Variants in CCSER2 observed in about 807,000 individuals in gnomAD.
CCSER2 encodes serine-rich coiled-coil domain-containing protein 2.
In CCSER2, 46 loss-of-function variants were observed where a neutral mutation model predicts 92.3. The observed-to-expected ratio is 0.50, with a 90% CI of 0.39 to 0.64. CCSER2 has a LOEUF of 0.64. CCSER2 is among the 30% of genes least tolerant of loss of function. The pLI is 0.00. For synonymous variants in CCSER2, 433 were observed against 431.4 expected (o/e 1.00, Z -0.04); for missense variants, 1,244 against 1,238.9 (o/e 1.00, Z -0.06).
At chr10:84,457,341 A>ATTTATATATAATATATTATATAT (rs1329520516) in intron 6 of CCSER2, among the ~76,000 whole-genome samples, 1 of 60,764 alleles carries the variant, frequency 1.6e-5, no homozygotes. Context: ...TATATTATAT[A>ATTTATATATAATATATTATATAT]TTATATATAA....
chr10:84,438,665 T>C lies in CCSER2; in HGVS notation c.2022T>C (p.Ala674=). The C allele has an allele frequency of 6.2e-7, 1 of 1,612,036 alleles. No homozygotes were observed. Among genetic ancestry groups the C allele is most frequent in the Non-Finnish European group, 8.5e-7 (1 of 1,179,112 alleles). The change falls in exon 6 of 10, where the codon GCT becomes GCC. Residue 674 remains alanine (A), a synonymous_variant. Transcript: ENST00000372088. ...TLRHMVQDCT[A]VKTQLLKLKR... ...GGCACATGGTTCAGGATTGCACTGC[T>C]GTAAAAACTCAGTTACTCAAACTGA...
chr10:84,494,255 G>T (rs920008783), intron 9 of CCSER2, among the ~76,000 whole-genome samples: 11 of 152,192 alleles, frequency 7.2e-5, no homozygotes, highest in Non-Finnish European at 2.9e-5. Flanking sequence ...TTTGTGAACT[G>T]TCAGGTGCTG....
At chr10:84,499,945 C>T (rs148434789) in intron 9 of CCSER2, 110 of 1,613,776 alleles carry the variant, frequency 6.8e-5, no homozygotes, top group Non-Finnish European at 8.8e-5. Flanking sequence ...ACTGTTCCAC[C>T]GCACCGCAGA....
chr10:84,498,194 T>C (rs1848549045), intron 9 of CCSER2, among the ~76,000 whole-genome samples: 1 of 152,230 alleles, frequency 6.6e-6, no homozygotes, highest in South Asian at 2.1e-4. Context: ...GAAGCTTGGT[T>C]CTGCAAAACG....
chr10:84,455,002 A>T (rs998471049), intron 6 of CCSER2, among the ~76,000 whole-genome samples: 1 of 152,170 alleles, frequency 6.6e-6, no homozygotes, highest in African/African-American at 2.4e-5. Flanking sequence ...AATAAGTCTC[A>T]TGAGATCTGA....
intron 6 of CCSER2, among the ~76,000 whole-genome samples, chr10:84,453,790 ATCT>A (rs1396356611): frequency 2.6e-5 from 4 of 152,188 alleles, no homozygotes; most frequent in South Asian, 2.1e-4. Flanking sequence ...TGATTGGTAC[ATCT>A]TCTTGGCAGA....
At chr10:84,342,128 C>G (rs1012569885) in intron 1 of CCSER2, among the ~76,000 whole-genome samples, 14 of 152,292 alleles carry the variant, frequency 9.2e-5, no homozygotes, top group Middle Eastern at 3.4e-3. Context: ...TCTGGTCTTT[C>G]TGGTAACCAG....
intron 9 of CCSER2, among the ~76,000 whole-genome samples, chr10:84,503,733 T>C (rs1169299438): frequency 6.6e-6 from 1 of 152,224 alleles, no homozygotes; most frequent in Non-Finnish European, 1.5e-5. Context: ...TTAGAAATCC[T>C]ATTTATTTTT....
chr10:84,342,848 C>T lies in CCSER2; in HGVS notation c.-40+14040C>T, dbSNP rs558661062. Among the ~76,000 whole-genome samples the T allele has an allele frequency of 1.3e-5, 2 of 152,266 alleles. 1 individual carries two copies. Among genetic ancestry groups the T allele is most frequent in the South Asian group, 4.1e-4 (2 of 4,826 alleles). On this transcript the variant is annotated intron_variant, in intron 1 of 9. Coordinates refer to ENST00000372088, the MANE Select transcript of CCSER2 (RefSeq NM_001284240.2). ...TGCCCATGTTCTTGAACTTTCTTTG[C>T]CTTCCAAAGCATCGTTCTCCTGTTT...
chr10:84,391,872 AT>A, intron 3 of CCSER2: 1 of 1,451,188 alleles, frequency 6.9e-7, no homozygotes, highest in Non-Finnish European at 9.7e-7. Context: ...AAGATTTTAT[AT>A]TTTTTTGTGA....
intron 1 of CCSER2, among the ~76,000 whole-genome samples, chr10:84,369,512 TA>T (rs1164652952): frequency 6.6e-6 from 1 of 152,284 alleles, no homozygotes; most frequent in East Asian, 1.9e-4. Flanking sequence ...TTGATGGGAT[TA>T]TTTTTTTCCT....
chr10:84,380,597 A>G (rs1365882765), intron 3 of CCSER2, among the ~76,000 whole-genome samples: 2 of 152,134 alleles, frequency 1.3e-5, no homozygotes, highest in African/African-American at 4.8e-5. Context: ...ATGTTATTGC[A>G]TAATGATTAA....
intron 6 of CCSER2, 152 bp from the exon 7 acceptor site, chr10:84,463,781 A>C (rs1846236987): frequency 1.7e-6 from 1 of 575,100 alleles, no homozygotes; most frequent in Non-Finnish European, 3.1e-6. Context: ...AGGGGAAATG[A>C]AGATTTCTAA....
chr10:84,437,162 G>C (rs1027082305), intron 5 of CCSER2, among the ~76,000 whole-genome samples: 4 of 151,156 alleles, frequency 2.6e-5, no homozygotes, highest in South Asian at 2.1e-4. Flanking sequence ...GAGAGAGAGA[G>C]AGAGAGAGAG....
intron 3 of CCSER2, among the ~76,000 whole-genome samples, chr10:84,406,764 A>ATG (rs1842398920): frequency 6.6e-6 from 1 of 152,316 alleles, no homozygotes; most frequent in African/African-American, 2.4e-5. Flanking sequence ...CTGCCACAAC[A>ATG]AACAGGGAAT....
At chr10:84,416,791 C>A (rs1842908442) in intron 3 of CCSER2, among the ~76,000 whole-genome samples, 1 of 152,018 alleles carries the variant, frequency 6.6e-6, no homozygotes, top group African/African-American at 2.4e-5. Context: ...ATTAGCCAGG[C>A]ATGGTGGTGG....
intron 4 of CCSER2, among the ~76,000 whole-genome samples, chr10:84,418,583 T>C (rs1842988633): frequency 6.6e-6 from 1 of 152,190 alleles, no homozygotes; most frequent in African/African-American, 2.4e-5. Context: ...CAGGCCTCCA[T>C]GGGCTGGAAA....
At chr10:84,355,211 A>G (rs1004561103) in intron 1 of CCSER2, among the ~76,000 whole-genome samples, 8 of 152,022 alleles carry the variant, frequency 5.3e-5, no homozygotes, top group African/African-American at 1.9e-4. Flanking sequence ...TGCCCATAGT[A>G]AAGTCCAGAC....
chr10:84,494,786 C>T (rs1848355396), intron 9 of CCSER2, among the ~76,000 whole-genome samples: 1 of 152,106 alleles, frequency 6.6e-6, no homozygotes, highest in East Asian at 1.9e-4. Flanking sequence ...ATTTGGGAGA[C>T]CAAAGTATTA....
Sources: allele counts gnomAD v4.1 joint callset (sites outside exome capture counted in the v4.1 genomes callset), GRCh38; gene constraint gnomAD v4.1.1; transcripts MANE v1.5; gene names NCBI Gene and HGNC (gene_info 2026-07-23, HGNC 2026-07-21).